FAM168A: variants seen among roughly 807,000 people sequenced by gnomAD.
FAM168A encodes family with sequence similarity 168 member A.
In FAM168A, 3 loss-of-function variants were observed where a neutral mutation model predicts 28.5. The ratio of observed to expected loss-of-function variants is 0.11; its 90% confidence interval spans 0.05 to 0.27. FAM168A has a LOEUF of 0.27. FAM168A is among the 10% of genes least tolerant of loss of function. The pLI is 1.00. For missense variants in FAM168A, 222 were observed against 311.5 expected (o/e 0.71, Z 2.16); for synonymous variants, 122 against 124.2 (o/e 0.98, Z 0.12).
chr11:73,488,705 C>A (rs1338350460), intron 1 of FAM168A, among the ~76,000 whole-genome samples: 1 of 152,178 alleles, frequency 6.6e-6, no homozygotes, highest in Non-Finnish European at 1.5e-5. Context: ...AGATTCCATT[C>A]CCTTACCAAA....
chr11:73,522,217 A>G (rs1038360954), intron 1 of FAM168A, among the ~76,000 whole-genome samples: 1 of 151,218 alleles, frequency 6.6e-6, no homozygotes. Context: ...AAAAAAAAAA[A>G]TGGACATGGC....
At chr11:73,534,407 ATT>A (rs58113039) in intron 1 of FAM168A, among the ~76,000 whole-genome samples, 1 of 144,550 alleles carries the variant, frequency 6.9e-6, no homozygotes, top group Admixed American at 6.9e-5. Flanking sequence ...TTATTTATTT[ATT>A]TTTTTTTTTT....
At chr11:73,587,175 A>ACTG (rs1944324053) in intron 1 of FAM168A, among the ~76,000 whole-genome samples, 2 of 150,724 alleles carry the variant, frequency 1.3e-5, no homozygotes, top group Middle Eastern at 3.2e-3. Context: ...AAAAAAAAAA[A>ACTG]AAACTAAGTT....
At chr11:73,477,251 A>T (rs1867900636) in intron 1 of FAM168A, among the ~76,000 whole-genome samples, 1 of 152,096 alleles carries the variant, frequency 6.6e-6, no homozygotes, top group African/African-American at 2.4e-5. Flanking sequence ...AGTCAAAAAA[A>T]AGTCAGGTAC....
chr11:73,557,106 G>A (rs1386899964), intron 1 of FAM168A, among the ~76,000 whole-genome samples: 1 of 151,994 alleles, frequency 6.6e-6, no homozygotes, highest in Non-Finnish European at 1.5e-5. Context: ...GTCTGTTGAT[G>A]GATGAATGGA....
intron 5 of FAM168A, among the ~76,000 whole-genome samples, chr11:73,410,849 C>T (rs936193351): frequency 6.6e-6 from 1 of 152,186 alleles, no homozygotes; most frequent in Non-Finnish European, 1.5e-5. Context: ...TCCTGGAATG[C>T]ATACATCTTC....
chr11:73,494,263 C>T (rs889902423), intron 1 of FAM168A, among the ~76,000 whole-genome samples: 1 of 152,158 alleles, frequency 6.6e-6, no homozygotes, highest in African/African-American at 2.4e-5. Context: ...AAGTGACTCA[C>T]TCAAAGTCAC....
intron 1 of FAM168A, among the ~76,000 whole-genome samples, chr11:73,505,739 G>A (rs1447087714): frequency 6.6e-6 from 1 of 152,106 alleles, no homozygotes; most frequent in East Asian, 1.9e-4. Flanking sequence ...CCTTTGTGAA[G>A]TACTTGGTGT....
chr11:73,487,172 GCTCCAACTCTCATCACT>G (rs1868064397), intron 1 of FAM168A, among the ~76,000 whole-genome samples: 1 of 151,846 alleles, frequency 6.6e-6, no homozygotes, highest in African/African-American at 2.4e-5. Flanking sequence ...TACATTCCAT[GCTCCAACTCTCATCACT>G]CTCCCCACTT....
intron 2 of FAM168A, among the ~76,000 whole-genome samples, chr11:73,433,840 CTTTTTTTTTTTT>C (rs34260175): frequency 1.2e-5 from 1 of 83,312 alleles, no homozygotes; most frequent in South Asian, 4.4e-4. Flanking sequence ...AGGGTAGGCC[CTTTTTTTTTTTT>C]TTTTTTTTTT....
At chr11:73,437,182 C>T (rs992439834) in intron 2 of FAM168A, among the ~76,000 whole-genome samples, 1 of 152,054 alleles carries the variant, frequency 6.6e-6, no homozygotes, top group Non-Finnish European at 1.5e-5. Flanking sequence ...ACTGCAACCT[C>T]CGCCTCCTGG....
Position 73,586,781 on chromosome 11 carries a change from T to C in FAM168A, c.-19+11142A>G, listed in dbSNP as rs563024863. ...AGGCTAAGGGTAGGGAGACCTAATA[T>C]ACCTTAAAAACCACTCTTATGCATA... On this transcript the variant is annotated intron_variant, in intron 1 of 7. Coordinates refer to ENST00000356467, the MANE Select transcript of FAM168A (RefSeq NM_015159.3). 1.6e-4 allele frequency among the ~76,000 whole-genome samples: 24 copies of C among 152,280 alleles called. No individual in the cohort carries two copies. In the South Asian group the frequency reaches 4.1e-3, roughly 26 times the overall value.
chr11:73,500,201 G>C (rs963605653), intron 1 of FAM168A, among the ~76,000 whole-genome samples: 1 of 150,640 alleles, frequency 6.6e-6, no homozygotes, highest in African/African-American at 2.4e-5. Flanking sequence ...AGCCAGAAGA[G>C]ATTGGGGGCC....
chr11:73,489,895 C>T (rs1389684119), intron 1 of FAM168A, among the ~76,000 whole-genome samples: 1 of 152,114 alleles, frequency 6.6e-6, no homozygotes, highest in Non-Finnish European at 1.5e-5. Context: ...ATTTTTCTCC[C>T]TATCATTCTG....
Position 73,597,530 on chromosome 11 carries a change from C to G in FAM168A, c.-19+393G>C, listed in dbSNP as rs148721774. Among the ~76,000 whole-genome samples, 439 of 152,086 alleles carry G rather than the reference C, an allele frequency of 2.9e-3. 7 individuals are homozygous for G. The highest frequency in any genetic ancestry group is 0.025 in the Admixed American group (376 of 15,274). On this transcript the variant is annotated intron_variant, in intron 1 of 7. Transcript: ENST00000356467. The stretch of plus-strand genomic sequence containing the variant: ...CCCAGCTCAGATCCCAAGCTGTCAA[C>G]TGCTCCAGGCCAAACCCAAATCACC...
rs564054848 is a variant in FAM168A at position 73,437,393 on chromosome 11, G to A, written c.71-6623C>T. 3.0e-3 allele frequency among the ~76,000 whole-genome samples: 432 copies of A among 144,910 alleles called. 1 individual carries two copies. The highest frequency in any genetic ancestry group is 0.011 in the Middle Eastern group (3 of 270). On this transcript the variant is annotated intron_variant, in intron 2 of 7. Coordinates refer to ENST00000356467, the MANE Select transcript of FAM168A (RefSeq NM_015159.3). ...TTTACAGGTGTGAGCTACCACGCCCGGCCACTCTTTTTTTTTTTTTTTTTT... is the reference window on the plus strand; with the variant it reads ...TTTACAGGTGTGAGCTACCACGCCCAGCCACTCTTTTTTTTTTTTTTTTTT...
At chr11:73,426,452 CCTT>C (rs1249066662) in intron 3 of FAM168A, among the ~76,000 whole-genome samples, 1 of 152,210 alleles carries the variant, frequency 6.6e-6, no homozygotes, top group Non-Finnish European at 1.5e-5. Flanking sequence ...TTCTGGGTCT[CCTT>C]AAAGCAGCTG....
intron 1 of FAM168A, among the ~76,000 whole-genome samples, chr11:73,495,010 A>G (rs1468963299): frequency 6.6e-6 from 1 of 151,676 alleles, no homozygotes; most frequent in African/African-American, 2.4e-5. Context: ...TCTCAAAAAA[A>G]AAAGAAGAAA....
At chr11:73,587,528 A>G (rs905609909) in intron 1 of FAM168A, among the ~76,000 whole-genome samples, 1 of 152,120 alleles carries the variant, frequency 6.6e-6, no homozygotes, top group Non-Finnish European at 1.5e-5. Context: ...GAAGTCGTAA[A>G]AACTATTAAT....
Sources: gnomAD v4.1 joint callset for allele counts (sites outside exome capture counted in the v4.1 genomes callset) on GRCh38, gnomAD v4.1.1 for gene constraint, MANE v1.5 for transcripts, NCBI Gene and HGNC (gene_info 2026-07-23, HGNC 2026-07-21) for gene names.